Variants in SPOCK1 observed in about 807,000 individuals in gnomAD.
SPOCK1 encodes SPARC (osteonectin), cwcv and kazal like domains proteoglycan 1, also known as testican-1.
SPOCK1 carries 23 observed loss-of-function variants against 55.3 expected under a neutral mutation model. The ratio of observed to expected loss-of-function variants is 0.42; its 90% CI spans 0.30 to 0.59. SPOCK1 has a LOEUF of 0.59. SPOCK1 is among the 20% of genes least tolerant of loss of function. The pLI is 0.22. For missense variants in SPOCK1, 499 were observed against 552.5 expected, an observed-to-expected ratio of 0.90 and a Z score of 0.97; for synonymous variants, 226 against 221.0, an observed-to-expected ratio of 1.02 and a Z score of -0.20.
chr5:137,082,869 C>T (rs4492107), intron 5 of SPOCK1, among the ~76,000 whole-genome samples: 102,827 of 152,046 alleles, frequency 0.68, 37,466 homozygotes, highest in Non-Finnish European at 0.82. Flanking sequence ...TAGTCTCCTC[C>T]CCCTCCTACT....
At chr5:137,456,539 G>C (rs1156489984) in intron 2 of SPOCK1, among the ~76,000 whole-genome samples, 2 of 152,092 alleles carry the variant, frequency 1.3e-5, no homozygotes, top group Non-Finnish European at 2.9e-5. Flanking sequence ...GGGTGTTTTT[G>C]ACCCATCAGC....
At chr5:137,498,309 C>A in intron 2 of SPOCK1, 64 bp downstream of exon 2, 2 of 1,449,376 alleles carry the variant, frequency 1.4e-6, no homozygotes, top group Non-Finnish European at 1.8e-6. Flanking sequence ...CACCCCAACC[C>A]CGCTTCAGGG....
At position 136,976,589 on chromosome 5, in the gene SPOCK1, C is replaced by T. The variant is rs972413479; in HGVS notation, c.*2065G>A. Reference sequence around the variant, plus strand: ...GATCTAAAGTGAGATTTTACAATGTCGTGATTTTTAATATACTTCATAGTA... The same window carrying T: ...GATCTAAAGTGAGATTTTACAATGTTGTGATTTTTAATATACTTCATAGTA... On this transcript the variant is annotated 3_prime_UTR_variant, in exon 11 of 11. Transcript: ENST00000394945. 2.6e-5 allele frequency: 4 copies of T among 152,494 alleles called. No individual in the cohort carries two copies. Among genetic ancestry groups the T allele is most frequent in the African/African-American group, 4.8e-5 (2 of 41,384 alleles). The allele number at this position is 152,494 out of a possible 1,614,324, so 9.4% of individuals were successfully genotyped here.
At chr5:137,460,658 C>G (rs1249995103) in intron 2 of SPOCK1, among the ~76,000 whole-genome samples, 3 of 152,176 alleles carry the variant, frequency 2.0e-5, no homozygotes, top group Non-Finnish European at 2.9e-5. Context: ...CTCTGAGTTT[C>G]TACTTGTTAA....
intron 5 of SPOCK1, among the ~76,000 whole-genome samples, chr5:137,084,954 C>CAAAAAAAA (rs10568473): frequency 1.4e-4 from 16 of 114,238 alleles, no homozygotes; most frequent in African/African-American, 3.1e-4. Context: ...TTATACAAAG[C>CAAAAAAAA]AAAAAAAAAA....
At chr5:137,191,611 A>G (rs1403404403) in intron 3 of SPOCK1, among the ~76,000 whole-genome samples, 1 of 152,226 alleles carries the variant, frequency 6.6e-6, no homozygotes, top group East Asian at 1.9e-4. Context: ...TCAATAGATC[A>G]ATCATACTTT....
At chr5:137,443,409 G>C (rs1246777602) in intron 2 of SPOCK1, among the ~76,000 whole-genome samples, 1 of 151,984 alleles carries the variant, frequency 6.6e-6, no homozygotes, top group Non-Finnish European at 1.5e-5. Context: ...CTAAACAAAG[G>C]CTTAGTCTTT....
intron 3 of SPOCK1, among the ~76,000 whole-genome samples, chr5:137,256,832 G>A (rs1756644129): frequency 6.6e-6 from 1 of 152,134 alleles, no homozygotes; most frequent in South Asian, 2.1e-4. Flanking sequence ...CGTGCCACAA[G>A]CAAAAGACAA....
chr5:137,477,961 T>C (rs965765939), intron 2 of SPOCK1, among the ~76,000 whole-genome samples: 1 of 152,212 alleles, frequency 6.6e-6, no homozygotes, highest in Non-Finnish European at 1.5e-5. Flanking sequence ...CAACACAGCA[T>C]GCTGGAGAAT....
intron 3 of SPOCK1, among the ~76,000 whole-genome samples, chr5:137,175,917 G>T (rs1367231593): frequency 6.6e-6 from 1 of 152,112 alleles, no homozygotes; most frequent in East Asian, 1.9e-4. Context: ...TGCATAATTT[G>T]TTCAAATTTC....
intron 2 of SPOCK1, among the ~76,000 whole-genome samples, chr5:137,322,616 A>AT (rs1187671577): frequency 6.6e-6 from 1 of 152,094 alleles, no homozygotes; most frequent in Non-Finnish European, 1.5e-5. Flanking sequence ...CTTAAAATAG[A>AT]TATTACAACT....
intron 2 of SPOCK1, among the ~76,000 whole-genome samples, chr5:137,463,875 G>T (rs564094868): frequency 6.6e-6 from 1 of 152,274 alleles, no homozygotes; most frequent in South Asian, 2.1e-4. Context: ...TTGAACTCGG[G>T]ATGCAGAGGT....
At chr5:137,432,345 G>C (rs1272634515) in intron 2 of SPOCK1, among the ~76,000 whole-genome samples, 2 of 152,164 alleles carry the variant, frequency 1.3e-5, no homozygotes, top group African/African-American at 4.8e-5. Flanking sequence ...CCAAAAGGTA[G>C]AAACAACCCA....
chr5:137,265,956 G>A (rs958938516), intron 3 of SPOCK1, among the ~76,000 whole-genome samples: 3 of 152,172 alleles, frequency 2.0e-5, no homozygotes, highest in Non-Finnish European at 4.4e-5. Context: ...CTCAATAAAT[G>A]TTTGAGAATG....
intron 3 of SPOCK1, among the ~76,000 whole-genome samples, chr5:137,157,230 A>G (rs1178121646): frequency 6.6e-6 from 1 of 152,190 alleles, no homozygotes; most frequent in African/African-American, 2.4e-5. Context: ...TCAAATTCCA[A>G]AGACTCCCAA....
At chr5:137,394,094 T>C (rs901791734) in intron 2 of SPOCK1, among the ~76,000 whole-genome samples, 1 of 152,226 alleles carries the variant, frequency 6.6e-6, no homozygotes, top group African/African-American at 2.4e-5. Flanking sequence ...CCCCAGGCAA[T>C]GCTTCCTTCT....
chr5:137,455,730 C>A (rs1461625568), intron 2 of SPOCK1, among the ~76,000 whole-genome samples: 1 of 152,086 alleles, frequency 6.6e-6, no homozygotes, highest in Non-Finnish European at 1.5e-5. Flanking sequence ...TTCTTCATGG[C>A]TTAAGATTCA....
Position 137,006,416 on chromosome 5 carries a change from T to C in SPOCK1, c.590-13816A>G, listed in dbSNP as rs567126379. Among the ~76,000 whole-genome samples, 8 of 152,322 alleles carry C rather than the reference T, an allele frequency of 5.3e-5. No homozygotes were observed. The South Asian group carries it at 1.7e-3, about 32-fold the overall frequency. ...TTTATAGTTCTCCTTGAAGAGATCCTTCACATCCCTTATAAGTTGTATTCC... is the reference window on the plus strand; with the variant it reads ...TTTATAGTTCTCCTTGAAGAGATCCCTCACATCCCTTATAAGTTGTATTCC... On this transcript the variant is annotated intron_variant, in intron 6 of 10. Transcript: ENST00000394945.
At chr5:137,082,460 T>A in intron 5 of SPOCK1, among the ~76,000 whole-genome samples, 1 of 151,972 alleles carries the variant, frequency 6.6e-6, no homozygotes, top group Admixed American at 6.5e-5. Context: ...GCAGGTGGCA[T>A]GGGTGCAGTC....
Sources: allele counts gnomAD v4.1 joint callset (sites outside exome capture counted in the v4.1 genomes callset), GRCh38; gene constraint gnomAD v4.1.1; transcripts MANE v1.5; gene names NCBI Gene and HGNC (gene_info 2026-07-23, HGNC 2026-07-21).